The following HSD17B7 variants were observed in gnomAD, a reference collection of about 807,000 sequenced individuals.
HSD17B7 encodes the protein 3-keto-steroid reductase/17-beta-hydroxysteroid dehydrogenase 7.
Under a neutral mutation model 34.1 loss-of-function variants are expected in HSD17B7, and 17 were observed. The observed-to-expected ratio is 0.50, with a 90% CI of 0.34 to 0.75. HSD17B7 has a LOEUF of 0.75. Among genes scored for constraint, HSD17B7 ranks in the 30% least tolerant of loss-of-function variants. HSD17B7 has a pLI of 0.01. For missense variants in HSD17B7, 296 were observed against 406.6 expected, an observed-to-expected ratio of 0.73 and a Z score of 2.34; for synonymous variants, 122 against 154.6, an observed-to-expected ratio of 0.79 and a Z score of 1.56.
chr1:162,800,988 C>G (rs1025306711), intron 5 of HSD17B7, among the ~76,000 whole-genome samples: 5 of 151,158 alleles, frequency 3.3e-5, no homozygotes, highest in Non-Finnish European at 7.4e-5. Flanking sequence ...TGATGCCCCC[C>G]TTTTTTTTTG....
At chr1:162,803,886 G>A (rs1648898790) in intron 6 of HSD17B7, among the ~76,000 whole-genome samples, 1 of 152,202 alleles carries the variant, frequency 6.6e-6, no homozygotes, top group Non-Finnish European at 1.5e-5. Context: ...CCAAGAAGGG[G>A]ATAATTGTGT....
At chr1:162,797,577 G>A (rs1232877229) in intron 3 of HSD17B7, 3 of 461,810 alleles carry the variant, frequency 6.5e-6, no homozygotes, top group African/African-American at 3.9e-5. Context: ...GGTAGCGTGA[G>A]CTATAAGTAT....
At chr1:162,809,341 C>G (rs1245698373) in intron 8 of HSD17B7, among the ~76,000 whole-genome samples, 1 of 152,110 alleles carries the variant, frequency 6.6e-6, no homozygotes, top group African/African-American at 2.4e-5. Flanking sequence ...GGTGGATAAG[C>G]TTTTTGATGT....
At chr1:162,801,260 GC>G (rs1357716827) in intron 5 of HSD17B7, among the ~76,000 whole-genome samples, 1 of 152,146 alleles carries the variant, frequency 6.6e-6, no homozygotes, top group East Asian at 1.9e-4. Flanking sequence ...CAGCACTTGC[GC>G]CCAGCCTGAA....
intron 8 of HSD17B7, 47 bp from the exon 9 acceptor site, chr1:162,812,251 A>G: frequency 6.3e-7 from 1 of 1,590,666 alleles, no homozygotes; most frequent in Non-Finnish European, 8.6e-7. Context: ...AATACTATTC[A>G]TCTTATTTTT....
intron 2 of HSD17B7, 169 bp downstream of exon 2, chr1:162,793,031 C>CTTTCTT: frequency 2.8e-6 from 1 of 351,942 alleles, no homozygotes; most frequent in East Asian, 5.6e-5. Flanking sequence ...CGTTTTCTTT[C>CTTTCTT]TTTTTTTTTT....
chr1:162,792,460 C>G, intron 1 of HSD17B7, 199 bp from the exon 2 acceptor site: 1 of 686,444 alleles, frequency 1.5e-6, no homozygotes, highest in Non-Finnish European at 2.3e-6. Context: ...ATGAGAAAAA[C>G]ACAAACTAGG....
chr1:162,795,737 C>G (rs1031770251), intron 2 of HSD17B7: 2 of 431,912 alleles, frequency 4.6e-6, no homozygotes, highest in Non-Finnish European at 9.3e-6. Flanking sequence ...CAGTTTGGTA[C>G]ATAGAACTCT....
chr1:162,790,758 C>T lies in HSD17B7; in HGVS notation c.-43C>T, dbSNP rs1281195423. The T allele has an allele frequency of 7.1e-6, 9 of 1,264,394 alleles. No homozygotes were observed. The highest frequency in any genetic ancestry group is 5.4e-5 in the Admixed American group (3 of 55,524). The allele number at this position is 1,264,394 out of a possible 1,614,324, so 78.3% of individuals were successfully genotyped here. On this transcript the variant is annotated 5_prime_UTR_variant, in exon 1 of 9. Coordinates refer to ENST00000254521, the MANE Select transcript of HSD17B7 (RefSeq NM_016371.4). ...GAAATCGTAGGACTTCCGAAAGCAG[C>T]GGCGGTGTTTGCTTCACTGCTTGGA... is the stretch of plus-strand genomic sequence containing the variant.
rs1648876006 is a variant in HSD17B7, at chr1:162,803,311, A to T, written c.643-120A>T. 38 of 1,134,248 alleles carry T rather than the reference A, an allele frequency of 3.4e-5. No individual in the cohort carries two copies. The South Asian group carries it at 7.0e-4, about 21-fold the overall frequency. 70.3% of individuals were successfully genotyped at this position (1,134,248 alleles called of 1,614,324 possible). A position where few individuals can be genotyped will look rare whatever the true frequency, so the allele number is the denominator to read the frequency against. On this transcript the variant is annotated intron_variant, in intron 5 of 8. Coordinates refer to ENST00000254521, the MANE Select transcript of HSD17B7 (RefSeq NM_016371.4). The stretch of plus-strand genomic sequence containing the variant: ...CAACTTCAGAGACAACTCAGAACAT[A>T]AATTCTTTATTACCTGACTTCTGGC...
At chr1:162,809,329 A>G (rs891570050) in intron 8 of HSD17B7, among the ~76,000 whole-genome samples, 5 of 152,184 alleles carry the variant, frequency 3.3e-5, no homozygotes, top group African/African-American at 9.7e-5. Context: ...TCACTTGATC[A>G]TGGTGGATAA....
chr1:162,793,322 T>C (rs1648485141), intron 2 of HSD17B7, among the ~76,000 whole-genome samples: 1 of 152,194 alleles, frequency 6.6e-6, no homozygotes, highest in Non-Finnish European at 1.5e-5. Flanking sequence ...CGTGAGCCAT[T>C]GCGCCTGGCC....
intron 6 of HSD17B7, 118 bp downstream of exon 6, chr1:162,803,653 G>C: frequency 8.0e-7 from 1 of 1,256,324 alleles, no homozygotes; most frequent in Non-Finnish European, 1.1e-6. Flanking sequence ...CATTTAACTT[G>C]AGGTTTTTGA....
chr1:162,792,928 G>A (rs571673935), intron 2 of HSD17B7, 66 bp downstream of exon 2: 1 of 1,519,244 alleles, frequency 6.6e-7, no homozygotes, highest in African/African-American at 1.4e-5. Flanking sequence ...AATAAAATAA[G>A]AGAGGAAAGA....
chr1:162,791,079 T>C (rs1347374917), intron 1 of HSD17B7, among the ~76,000 whole-genome samples: 1 of 151,786 alleles, frequency 6.6e-6, no homozygotes, highest in Non-Finnish European at 1.5e-5. Context: ...GTCGCAGTGA[T>C]GATCCTGAGG....
rs1489591488 is a variant in HSD17B7 at position 162,790,729 on chromosome 1, G to T, written c.-72G>T. The stretch of plus-strand genomic sequence containing the variant: ...ACTCTGATTGGTGACGGGTGAGGCG[G>T]CCCGAAATCGTAGGACTTCCGAAAG... On this transcript the variant is annotated 5_prime_UTR_variant, in exon 1 of 9. Coordinates refer to ENST00000254521, the MANE Select transcript of HSD17B7 (RefSeq NM_016371.4). 1.1e-4 allele frequency: 107 copies of T among 991,132 alleles called. 1 individual carries two copies. Among genetic ancestry groups the T allele is most frequent in the Middle Eastern group, 2.2e-4 (1 of 4,510 alleles). The allele number at this position is 991,132 out of a possible 1,614,324, so 61.4% of individuals were successfully genotyped here. A position where few individuals can be genotyped will look rare whatever the true frequency, so the allele number is the denominator to read the frequency against.
At position 162,792,777 on chromosome 1, in the gene HSD17B7, C is replaced by A; in HGVS notation, c.154C>A (p.His52Asn). ...EAVCAALLAS[H>N]PTAEVTIVQV... ...TGTCTGTGCTGCTCTGCTGGCCTCT[C>A]ACCCCACTGCTGAGGTCACCATTGT... Residue 52 changes from histidine (H) to asparagine (N), a missense_variant, in exon 2 of 9, where the codon CAC becomes AAC. Coordinates refer to ENST00000254521, the MANE Select transcript of HSD17B7 (RefSeq NM_016371.4). 6.2e-7 allele frequency: 1 copy of A among 1,614,232 alleles called. No individual in the cohort carries two copies. Among genetic ancestry groups the A allele is most frequent in the Admixed American group, 1.7e-5 (1 of 60,036 alleles).
chr1:162,801,332 ACT>A (rs1197647275), intron 5 of HSD17B7, among the ~76,000 whole-genome samples: 1 of 151,698 alleles, frequency 6.6e-6, no homozygotes, highest in African/African-American at 2.4e-5. Flanking sequence ...TTGAATCCTG[ACT>A]CTTTGTAACC....
chr1:162,797,632 A>C (rs1648661894), intron 3 of HSD17B7, 170 bp from the exon 4 acceptor site: 2 of 943,792 alleles, frequency 2.1e-6, no homozygotes, highest in Non-Finnish European at 3.0e-6. Context: ...GGTCTTTGGC[A>C]TTTCATTTAA....
Sources: allele counts gnomAD v4.1 joint callset (sites outside exome capture counted in the v4.1 genomes callset), GRCh38; gene constraint gnomAD v4.1.1; transcripts MANE v1.5; gene names NCBI Gene and HGNC (gene_info 2026-07-23, HGNC 2026-07-21).